Variants in PDE1A observed in about 807,000 individuals in gnomAD.
The protein encoded by PDE1A is phosphodiesterase 1A, also known as dual specificity calcium/calmodulin-dependent 3',5'-cyclic nucleotide phosphodiesterase 1A.
Under a neutral mutation model 61.7 loss-of-function variants are expected in PDE1A, and 35 were observed. That is an observed-to-expected ratio of 0.57 (90% CI 0.43 to 0.75). PDE1A has a LOEUF of 0.75. PDE1A is among the 30% of genes least tolerant of loss of function. The pLI, the probability that PDE1A is intolerant of heterozygous loss-of-function variation, is 0.00. For synonymous variants in PDE1A, 232 were observed against 213.2 expected (o/e 1.09, Z -0.77); for missense variants, 597 against 630.6 (o/e 0.95, Z 0.57).
In PDE1A at chr2:182,292,600, T is replaced by C. The variant is rs1475221626; in HGVS notation, c.54-28186A>G. 3.3e-5 allele frequency among the ~76,000 whole-genome samples: 5 copies of C among 152,144 alleles called. No homozygotes were observed. In the East Asian group the frequency reaches 9.6e-4, roughly 29 times the overall value. On this transcript the variant is annotated intron_variant, in intron 1 of 13. Coordinates refer to ENST00000351439, the Ensembl canonical transcript of PDE1A. ...AATCTATTCTCATCAAAATTATGTA[T>C]TTCTGAATAATAGTACAAAATTTGC...
At chr2:182,478,347 GA>G (rs34019486) in intron 2 of PDE1A, among the ~76,000 whole-genome samples, 24,778 of 148,272 alleles carry the variant, frequency 0.17, 2,465 homozygotes, top group Middle Eastern at 0.32. Flanking sequence ...CTGCTATGCA[GA>G]AAAAAAAAAA....
At chr2:182,384,414 G>C (rs1255184705) in intron 1 of PDE1A, among the ~76,000 whole-genome samples, 1 of 147,270 alleles carries the variant, frequency 6.8e-6, no homozygotes, top group East Asian at 2.0e-4. Flanking sequence ...TCAACAAAAT[G>C]AGAAAAATAA....
At chr2:182,294,304 T>C (rs1049726009) in intron 1 of PDE1A, among the ~76,000 whole-genome samples, 11 of 152,336 alleles carry the variant, frequency 7.2e-5, no homozygotes, top group African/African-American at 2.2e-4. Context: ...GGCTCATTAA[T>C]GATAATTTTT....
the PDE1A span, among the ~76,000 whole-genome samples, chr2:182,619,936 C>G: frequency 6.6e-6 from 1 of 152,128 alleles, no homozygotes; most frequent in East Asian, 1.9e-4. Flanking sequence ...AGAGAGAACT[C>G]ACTTCCAGAA....
At chr2:182,538,930 T>C in the PDE1A span, among the ~76,000 whole-genome samples, 3 of 152,226 alleles carry the variant, frequency 2.0e-5, no homozygotes, top group East Asian at 5.8e-4. Context: ...CTCAGGTCCA[T>C]ACCTAAGATT....
intron 1 of PDE1A, among the ~76,000 whole-genome samples, chr2:182,369,175 G>A (rs918150224): frequency 6.6e-6 from 1 of 151,978 alleles, no homozygotes; most frequent in East Asian, 1.9e-4. Flanking sequence ...CTCTATTTCT[G>A]CATTCTGTCT....
the PDE1A span, among the ~76,000 whole-genome samples, chr2:182,692,618 T>C: frequency 1.3e-5 from 2 of 151,084 alleles, no homozygotes; most frequent in Non-Finnish European, 2.9e-5. Flanking sequence ...TGTATACATA[T>C]GTAACAAACC....
chr2:182,376,985 C>T (rs1437565493), intron 1 of PDE1A, among the ~76,000 whole-genome samples: 2 of 152,160 alleles, frequency 1.3e-5, no homozygotes, highest in Non-Finnish European at 2.9e-5. Context: ...AATTATCTTC[C>T]ACAGGGTCCC....
At chr2:182,212,189 A>G (rs1687666048) in intron 7 of PDE1A, among the ~76,000 whole-genome samples, 2 of 88,806 alleles carry the variant, frequency 2.3e-5, no homozygotes, top group Admixed American at 2.5e-4. Flanking sequence ...TTAATTGACA[A>G]TTAAAATTAT....
chr2:182,309,262 GA>G (rs145700828), intron 1 of PDE1A, among the ~76,000 whole-genome samples: 2,354 of 152,006 alleles, frequency 0.015, 60 homozygotes, highest in African/African-American at 0.054. Context: ...CTTAAGTAAA[GA>G]AAAATCAGTG....
chr2:182,626,196 T>C, the PDE1A span, among the ~76,000 whole-genome samples: 1 of 152,142 alleles, frequency 6.6e-6, no homozygotes, highest in African/African-American at 2.4e-5. Flanking sequence ...AAAGCAAACT[T>C]AAACACCAGA....
chr2:182,388,608 A>T (rs1446172171), intron 1 of PDE1A, among the ~76,000 whole-genome samples: 1 of 152,134 alleles, frequency 6.6e-6, no homozygotes, highest in East Asian at 1.9e-4. Flanking sequence ...AAATTTAAAA[A>T]TATTTTAAGA....
At chr2:182,552,174 T>C in the PDE1A span, among the ~76,000 whole-genome samples, 2 of 152,200 alleles carry the variant, frequency 1.3e-5, no homozygotes, top group African/African-American at 4.8e-5. Flanking sequence ...CAATAAGTCA[T>C]ATTGGGCCTG....
At chr2:182,442,938 G>C (rs1025811215) in intron 2 of PDE1A, among the ~76,000 whole-genome samples, 1 of 151,956 alleles carries the variant, frequency 6.6e-6, no homozygotes, top group East Asian at 1.9e-4. Context: ...TCTATTCACA[G>C]TGATTTACAA....
At chr2:182,323,628 C>T (rs931779690) in intron 1 of PDE1A, among the ~76,000 whole-genome samples, 2 of 152,166 alleles carry the variant, frequency 1.3e-5, no homozygotes, top group Admixed American at 1.3e-4. Flanking sequence ...CGGAGGAGCG[C>T]TGAAAAAATC....
At chr2:182,169,908 A>ACG (rs1457787457) in intron 13 of PDE1A, among the ~76,000 whole-genome samples, 2 of 75,030 alleles carry the variant, frequency 2.7e-5, no homozygotes, top group Admixed American at 1.5e-4. Context: ...ACACACACAC[A>ACG]CACACACACA....
chr2:182,461,569 A>G lies in PDE1A; in HGVS notation c.101+60707T>C, dbSNP rs543218116. On this transcript the variant is annotated intron_variant, in intron 2 of 14. Coordinates refer to the PDE1A transcript ENST00000410103. ...AGAAACCAATAATCCCTCACCAGCC[A>G]TATCATAACCCATGATGGAGTGCAC... Among the ~76,000 whole-genome samples, 12 of 152,276 alleles carry G rather than the reference A, an allele frequency of 7.9e-5. No homozygotes were observed. In the South Asian group the frequency reaches 2.3e-3, roughly 29 times the overall value.
At chr2:182,626,874 T>C in the PDE1A span, among the ~76,000 whole-genome samples, 11 of 35,504 alleles carry the variant, frequency 3.1e-4, 1 homozygote, top group Non-Finnish European at 4.6e-4. Flanking sequence ...TATATATACA[T>C]ATATATATAC....
At chr2:182,388,102 G>T (rs957617419) in intron 1 of PDE1A, among the ~76,000 whole-genome samples, 4 of 152,168 alleles carry the variant, frequency 2.6e-5, no homozygotes, top group African/African-American at 9.7e-5. Flanking sequence ...ATTATATAAT[G>T]ATGGAGGGGT....
Sources: allele counts gnomAD v4.1 joint callset (sites outside exome capture counted in the v4.1 genomes callset), GRCh38; gene constraint gnomAD v4.1.1; transcripts MANE v1.5; gene names NCBI Gene and HGNC (gene_info 2026-07-23, HGNC 2026-07-21).